Variants in TRERF1 observed in about 807,000 individuals in gnomAD.
TRERF1 encodes the protein transcriptional regulating factor 1.
A neutral mutation model predicts 122.9 loss-of-function variants in TRERF1; 27 were observed. The observed-to-expected ratio is 0.22, with a 90% CI of 0.16 to 0.30. The LOEUF (loss-of-function observed/expected upper bound fraction) is 0.30. TRERF1 is among the 10% of genes least tolerant of loss of function. TRERF1 has a pLI of 1.00. For synonymous variants in TRERF1, 636 were observed against 641.7 expected, an observed-to-expected ratio of 0.99 and a Z score of 0.13; for missense variants, 1,248 against 1,560.3, an observed-to-expected ratio of 0.80 and a Z score of 3.37.
chr6:42,238,953 G>T (rs930557698), intron 15 of TRERF1, among the ~76,000 whole-genome samples: 4 of 151,600 alleles, frequency 2.6e-5, no homozygotes, highest in Non-Finnish European at 2.9e-5. Context: ...GTTTCTCAAG[G>T]TCACACAGCT....
intron 3 of TRERF1, among the ~76,000 whole-genome samples, chr6:42,317,635 G>A (rs1482157171): frequency 1.3e-5 from 2 of 152,060 alleles, no homozygotes; most frequent in South Asian, 2.1e-4. Flanking sequence ...GATTACAAGC[G>A]TGAGCTCCCA....
chr6:42,444,515 C>A (rs1464422334), intron 2 of TRERF1, among the ~76,000 whole-genome samples: 1 of 152,106 alleles, frequency 6.6e-6, no homozygotes, highest in Non-Finnish European at 1.5e-5. Flanking sequence ...CCTGGGGAGG[C>A]AGAGCATCTC....
At chr6:42,360,791 A>C (rs1330982777) in intron 3 of TRERF1, among the ~76,000 whole-genome samples, 42 of 147,670 alleles carry the variant, frequency 2.8e-4, no homozygotes, top group African/African-American at 9.3e-4. Flanking sequence ...AAAAAAAAAA[A>C]AAAAAAAAAA....
intron 2 of TRERF1, among the ~76,000 whole-genome samples, chr6:42,389,099 G>T (rs913488733): frequency 6.6e-6 from 1 of 151,984 alleles, no homozygotes; most frequent in Non-Finnish European, 1.5e-5. Context: ...TGGAGAGAGG[G>T]GGTACTTAAA....
intron 13 of TRERF1, 26 bp from the exon 14 acceptor site, chr6:42,246,570 G>A (rs779825165): frequency 4.5e-6 from 7 of 1,543,114 alleles, no homozygotes; most frequent in African/African-American, 1.4e-5. Context: ...AACATCATAA[G>A]AACAGCTCAC....
intron 3 of TRERF1, among the ~76,000 whole-genome samples, chr6:42,322,872 C>A (rs1240995225): frequency 6.6e-6 from 1 of 152,034 alleles, no homozygotes; most frequent in African/African-American, 2.4e-5. Flanking sequence ...ACTGGTGCCT[C>A]CTACTGGCCA....
chr6:42,226,404 G>A (rs1245783431), exon 18 of TRERF1: 1 of 152,238 alleles, frequency 6.6e-6, no homozygotes, highest in African/African-American at 2.4e-5. Flanking sequence ...GTCCCTGGGA[G>A]AGACGATCAG....
rs542093621 is a variant in TRERF1, at chr6:42,393,233, T to A, written c.-453-30154A>T. 2.0e-5 allele frequency among the ~76,000 whole-genome samples: 3 copies of A among 152,322 alleles called. No homozygotes were observed. In the South Asian group the frequency reaches 6.2e-4, roughly 32 times the overall value. On this transcript the variant is annotated intron_variant, in intron 2 of 17. Transcript: ENST00000372922. The surrounding 1 kb of genome is among the most constrained non-coding windows in gnomAD (Gnocchi z 4.1). ...CATCAGAGGTCATTACTGTATTTCA[T>A]CCTCACCACCTGGCCAGAAAGGCAT...
intron 2 of TRERF1, among the ~76,000 whole-genome samples, 172 bp from the exon 3 acceptor site, chr6:42,363,251 C>T (rs528279545): frequency 5.3e-5 from 8 of 152,220 alleles, no homozygotes; most frequent in Non-Finnish European, 1.0e-4. Context: ...AGGAAGGTCC[C>T]GGGGGAGAAG....
intron 3 of TRERF1, among the ~76,000 whole-genome samples, chr6:42,353,543 G>A (rs1273524812): frequency 2.6e-5 from 4 of 151,822 alleles, no homozygotes; most frequent in Admixed American, 6.5e-5. Context: ...AACCAATATC[G>A]CGCCATTGCA....
At chr6:42,424,979 CACATGAG>C (rs1783380873) in intron 2 of TRERF1, among the ~76,000 whole-genome samples, 2 of 152,184 alleles carry the variant, frequency 1.3e-5, no homozygotes, top group South Asian at 4.2e-4. Flanking sequence ...AGTAACCCAG[CACATGAG>C]ACTACTCAGT....
intron 14 of TRERF1, 108 bp from the exon 15 acceptor site, chr6:42,243,469 C>A: frequency 1.3e-6 from 1 of 758,756 alleles, no homozygotes; most frequent in Admixed American, 2.4e-5. Context: ...CAAGTTTGTA[C>A]AGTTCAAGAA....
At position 42,413,516 on chromosome 6, in the gene TRERF1, G is replaced by A. The variant is rs186587329; in HGVS notation, c.-454+37661C>T. 7.6e-4 allele frequency among the ~76,000 whole-genome samples: 110 copies of A among 144,560 alleles called. 1 individual carries two copies. In the East Asian group the frequency reaches 0.018, roughly 24 times the overall value. The allele number at this position is 144,560 out of a possible 152,430, so 94.8% of individuals were successfully genotyped here. On this transcript the variant is annotated intron_variant, in intron 2 of 17. Coordinates refer to ENST00000372922, the Ensembl canonical transcript of TRERF1. ...ACTATCTCAGCTCACTGCAACCTCC[G>A]CCTCTTGGGTTCAAGTGATTCTCCT...
Position 42,269,704 on chromosome 6 carries a change from C to T in TRERF1, c.-114G>A. Reference sequence around the variant, plus strand: ...TGAGAGAAAAGTGTCAGCACTACTCCACGGCTGACATGTCTGTGAACGTGG... The same window carrying T: ...TGAGAGAAAAGTGTCAGCACTACTCTACGGCTGACATGTCTGTGAACGTGG... On this transcript the variant is annotated 5_prime_UTR_variant, in exon 5 of 18. Coordinates refer to ENST00000372922, the Ensembl canonical transcript of TRERF1. This position sits in a 1 kb window ranked among gnomAD's most constrained non-coding sequence, Gnocchi z 4.9. The T allele has an allele frequency of 1.4e-6, 2 of 1,462,356 alleles. No individual in the cohort carries two copies. The highest frequency in any genetic ancestry group is 2.5e-5 in the East Asian group (1 of 40,612). The allele number at this position is 1,462,356 out of a possible 1,614,324, so 90.6% of individuals were successfully genotyped here.
chr6:42,331,139 G>A (rs1236728841), intron 3 of TRERF1, among the ~76,000 whole-genome samples: 1 of 152,224 alleles, frequency 6.6e-6, no homozygotes, highest in East Asian at 1.9e-4. Context: ...TTGAAAGCAT[G>A]TCTTTATCTC....
In TRERF1 at chr6:42,401,252, G is replaced by A. The variant is rs551673231; in HGVS notation, c.-453-38173C>T. The stretch of plus-strand genomic sequence containing the variant: ...ATTAATTACCATAAAAAACCAGGCC[G>A]TCAACTACCAGTTACCCAGAAGGAC... On this transcript the variant is annotated intron_variant, in intron 2 of 17. Coordinates refer to ENST00000372922, the Ensembl canonical transcript of TRERF1. Among the ~76,000 whole-genome samples, 18 of 152,232 alleles carry A rather than the reference G, an allele frequency of 1.2e-4. No homozygotes were observed. The South Asian group carries it at 2.3e-3, about 19-fold the overall frequency.
chr6:42,370,320 A>G (rs760044947), intron 2 of TRERF1, among the ~76,000 whole-genome samples: 2 of 152,168 alleles, frequency 1.3e-5, no homozygotes, highest in African/African-American at 4.8e-5. Context: ...AATGTAAACG[A>G]TATCTGAGTG....
chr6:42,335,748 C>G (rs1387336503), intron 3 of TRERF1, among the ~76,000 whole-genome samples: 2 of 152,218 alleles, frequency 1.3e-5, no homozygotes, highest in African/African-American at 4.8e-5. Context: ...GCTCAATCAT[C>G]CCTTCCTCAG....
In TRERF1 at chr6:42,279,406, G is replaced by A. The variant is rs1781879883; in HGVS notation, c.-258-9558C>T. On this transcript the variant is annotated intron_variant, in intron 4 of 17. Coordinates refer to ENST00000372922, the Ensembl canonical transcript of TRERF1. The stretch of plus-strand genomic sequence containing the variant: ...TGGGCAGGGCAGGGCAGGGCTGGGA[G>A]AATGGGAGGAGATTTCCCTCCGGCT... Among the ~76,000 whole-genome samples the A allele has an allele frequency of 2.6e-5, 4 of 152,202 alleles. 1 individual carries two copies. The South Asian group carries it at 8.3e-4, about 32-fold the overall frequency.
Sources: gnomAD v4.1 joint callset for allele counts (sites outside exome capture counted in the v4.1 genomes callset) on GRCh38, gnomAD v4.1.1 for gene constraint, Gnocchi (gnomAD v3.1) non-coding constraint, MANE v1.5 for transcripts, NCBI Gene and HGNC (gene_info 2026-07-23, HGNC 2026-07-21) for gene names.